Variants in CDH12 observed in about 807,000 individuals in gnomAD.
The protein encoded by CDH12 is cadherin 12.
A neutral mutation model predicts 74.1 loss-of-function variants in CDH12; 41 were observed. The ratio of observed to expected loss-of-function variants is 0.55; its 90% CI spans 0.43 to 0.72. The LOEUF (loss-of-function observed/expected upper bound fraction) is 0.72. Among genes scored for constraint, CDH12 ranks in the 30% least tolerant of loss-of-function variants. The pLI, the probability that CDH12 is intolerant of heterozygous loss-of-function variation, is 0.00. For missense variants in CDH12, 945 were observed against 977.2 expected (o/e 0.97, Z 0.44); for synonymous variants, 399 against 355.0 (o/e 1.12, Z -1.39).
At chr5:22,292,075 C>G (rs1454761553) in intron 3 of CDH12, among the ~76,000 whole-genome samples, 1 of 152,040 alleles carries the variant, frequency 6.6e-6, no homozygotes, top group African/African-American at 2.4e-5. Flanking sequence ...AACTGATTTT[C>G]AACAAAGAAG....
In CDH12 at chr5:22,697,525, T is replaced by C. The variant is rs184849942; in HGVS notation, c.-523+155533A>G. 5.3e-3 allele frequency among the ~76,000 whole-genome samples: 717 copies of C among 134,888 alleles called. 24 individuals are homozygous for C. Among genetic ancestry groups the C allele is most frequent in the Admixed American group, 0.052 (619 of 11,864 alleles). 88.5% of individuals were successfully genotyped at this position (134,888 alleles called of 152,430 possible). On this transcript the variant is annotated intron_variant, in intron 1 of 14. Transcript: ENST00000382254. ...AGGCGGAGCTTGCAGTGAGCCGAGA[T>C]AGCACCACTGCACTCCAGCGTGGGC... is the stretch of plus-strand genomic sequence containing the variant.
intron 6 of CDH12, among the ~76,000 whole-genome samples, chr5:21,894,382 GAAAAAA>G (rs376989106): frequency 1.1e-4 from 8 of 73,430 alleles, no homozygotes; most frequent in African/African-American, 3.1e-4. Context: ...CCGTCTCAAA[GAAAAAA>G]AAAAAAAAAA....
intron 1 of CDH12, among the ~76,000 whole-genome samples, chr5:22,828,285 C>CA (rs912600404): frequency 1.3e-5 from 2 of 151,608 alleles, no homozygotes; most frequent in African/African-American, 2.4e-5. Context: ...TATATATCAG[C>CA]AAAAAAATGG....
chr5:22,232,545 T>C (rs1291472516), intron 3 of CDH12, among the ~76,000 whole-genome samples: 1 of 151,860 alleles, frequency 6.6e-6, no homozygotes, highest in African/African-American at 2.4e-5. Flanking sequence ...AAAAGAGTAG[T>C]TATTAAGAAA....
chr5:22,292,584 A>T (rs1737441894), intron 3 of CDH12, among the ~76,000 whole-genome samples: 1 of 151,788 alleles, frequency 6.6e-6, no homozygotes, highest in South Asian at 2.1e-4. Context: ...AAATTGCCCC[A>T]ATTCAAAATT....
chr5:21,952,638 A>G (rs116638428), intron 6 of CDH12, among the ~76,000 whole-genome samples: 3,258 of 152,276 alleles, frequency 0.021, 103 homozygotes, highest in South Asian at 0.06. Context: ...ACATGCTGTG[A>G]GATGGGATGA....
intron 3 of CDH12, among the ~76,000 whole-genome samples, chr5:22,278,782 A>G (rs1260396354): frequency 6.6e-6 from 1 of 152,170 alleles, no homozygotes; most frequent in African/African-American, 2.4e-5. Flanking sequence ...TGAAGAATAA[A>G]TAATTTTGCT....
At chr5:22,637,182 C>G (rs944259644) in intron 1 of CDH12, among the ~76,000 whole-genome samples, 11 of 152,168 alleles carry the variant, frequency 7.2e-5, no homozygotes, top group African/African-American at 2.4e-4. Flanking sequence ...GCTATATACA[C>G]AAAATATATT....
chr5:22,437,786 T>G (rs1744466135), intron 2 of CDH12, among the ~76,000 whole-genome samples: 1 of 151,988 alleles, frequency 6.6e-6, no homozygotes, highest in African/African-American at 2.4e-5. Flanking sequence ...TTAGGCATTC[T>G]CTAAGATTTA....
At chr5:22,417,688 TC>T (rs1244422554) in intron 2 of CDH12, among the ~76,000 whole-genome samples, 2 of 152,232 alleles carry the variant, frequency 1.3e-5, no homozygotes, top group Non-Finnish European at 2.9e-5. Context: ...TCTCATGCAT[TC>T]TTCTGCATTC....
At chr5:22,312,419 G>T (rs1738433562) in intron 3 of CDH12, among the ~76,000 whole-genome samples, 1 of 151,860 alleles carries the variant, frequency 6.6e-6, no homozygotes, top group African/African-American at 2.4e-5. Flanking sequence ...TACCCTTTTG[G>T]CTTTCTTTTA....
At chr5:21,920,449 C>T (rs150950289) in intron 6 of CDH12, among the ~76,000 whole-genome samples, 335 of 152,036 alleles carry the variant, frequency 2.2e-3, no homozygotes, top group Non-Finnish European at 3.5e-3. Flanking sequence ...ACAATGCATG[C>T]TCTCACTGAT....
At chr5:22,187,029 A>G (rs1417563132) in intron 4 of CDH12, among the ~76,000 whole-genome samples, 1 of 152,222 alleles carries the variant, frequency 6.6e-6, no homozygotes. Flanking sequence ...ATTTATTTAC[A>G]ATATAAATTT....
chr5:22,482,274 A>G (rs1182498809), intron 2 of CDH12, among the ~76,000 whole-genome samples: 1 of 152,160 alleles, frequency 6.6e-6, no homozygotes, highest in African/African-American at 2.4e-5. Flanking sequence ...TTCCTCATAT[A>G]TTTTGTGAAG....
At chr5:22,199,330 T>C (rs1374002949) in intron 4 of CDH12, among the ~76,000 whole-genome samples, 1 of 152,204 alleles carries the variant, frequency 6.6e-6, no homozygotes, top group Non-Finnish European at 1.5e-5. Flanking sequence ...CTCAGGAGTC[T>C]GTAAAAACTA....
intron 1 of CDH12, among the ~76,000 whole-genome samples, chr5:22,827,431 G>T (rs1038333345): frequency 2.6e-5 from 4 of 152,104 alleles, no homozygotes; most frequent in African/African-American, 9.7e-5. Context: ...ACATTTATAA[G>T]ACTGTAAAGA....
intron 6 of CDH12, among the ~76,000 whole-genome samples, chr5:21,858,732 G>A (rs758440437): frequency 6.6e-6 from 1 of 151,928 alleles, no homozygotes; most frequent in East Asian, 1.9e-4. Context: ...AATGGGAGGA[G>A]AAACAGATTC....
In CDH12 at chr5:22,758,854, T is replaced by C. The variant is rs558419052; in HGVS notation, c.-523+94204A>G. ...CAAATAATCATCTTTATATTCAGCA[T>C]GCTTCAGGCAATCACTAATTTTTGA... On this transcript the variant is annotated intron_variant, in intron 1 of 14. Coordinates refer to ENST00000382254, the MANE Select transcript of CDH12 (RefSeq NM_004061.5). Among the ~76,000 whole-genome samples the C allele has an allele frequency of 2.3e-3, 347 of 152,322 alleles. 3 individuals are homozygous for C. The highest frequency in any genetic ancestry group is 8.1e-3 in the African/African-American group (337 of 41,572).
chr5:22,202,597 C>T (rs558716443), intron 4 of CDH12, among the ~76,000 whole-genome samples: 1 of 152,014 alleles, frequency 6.6e-6, no homozygotes, highest in Non-Finnish European at 1.5e-5. Context: ...AGAGTAGAGG[C>T]AAAAAAGTGG....
Sources: allele counts gnomAD v4.1 joint callset (sites outside exome capture counted in the v4.1 genomes callset), GRCh38; gene constraint gnomAD v4.1.1; transcripts MANE v1.5; gene names NCBI Gene and HGNC (gene_info 2026-07-23, HGNC 2026-07-21).